The following PGM5 variants were observed in gnomAD, a reference collection of about 807,000 sequenced individuals.
The protein encoded by PGM5 is phosphoglucomutase-like protein 5.
A neutral mutation model predicts 59.2 loss-of-function variants in PGM5; 23 were observed. The observed-to-expected ratio is 0.39, with a 90% CI of 0.28 to 0.55. The LOEUF is 0.55. Among genes scored for constraint, PGM5 ranks in the 20% least tolerant of loss-of-function variants. The probability of loss-of-function intolerance (pLI) is 0.66; values close to 1 mark genes in which losing one functional copy is unlikely to be tolerated. For synonymous variants in PGM5, 214 were observed against 286.0 expected (o/e 0.75, Z 2.54); for missense variants, 574 against 748.3 (o/e 0.77, Z 2.72).
chr9:68,450,028 C>T (rs1412223190), intron 6 of PGM5, among the ~76,000 whole-genome samples: 1 of 152,174 alleles, frequency 6.6e-6, no homozygotes, highest in African/African-American at 2.4e-5. Context: ...AGCATGCTCA[C>T]ATGGTAGACT....
chr9:68,509,077 G>A (rs1280629418), intron 10 of PGM5, among the ~76,000 whole-genome samples: 1 of 152,172 alleles, frequency 6.6e-6, no homozygotes, highest in African/African-American at 2.4e-5. Flanking sequence ...TTCACATGGG[G>A]AATACAGGAT....
intron 1 of PGM5, among the ~76,000 whole-genome samples, chr9:68,369,667 C>T (rs1834746819): frequency 1.3e-5 from 2 of 152,188 alleles, no homozygotes; most frequent in Admixed American, 1.3e-4. Context: ...GGCCACACTT[C>T]TAGATGCCTG....
At chr9:68,400,264 T>G (rs1293042366) in intron 6 of PGM5, among the ~76,000 whole-genome samples, 5 of 152,094 alleles carry the variant, frequency 3.3e-5, no homozygotes, top group Non-Finnish European at 5.9e-5. Context: ...ATGCACAATC[T>G]CCTGATTATA....
chr9:68,466,226 G>A, intron 7 of PGM5: 2 of 1,243,360 alleles, frequency 1.6e-6, no homozygotes, highest in East Asian at 6.2e-5. Flanking sequence ...TGTCCAATCT[G>A]CTGATGAGCC....
At chr9:68,490,104 A>G (rs1824365296) in intron 9 of PGM5, among the ~76,000 whole-genome samples, 1 of 152,248 alleles carries the variant, frequency 6.6e-6, no homozygotes, top group Non-Finnish European at 1.5e-5. Context: ...TAGAAATAGT[A>G]AATTGGCAAT....
At chr9:68,464,568 C>G (rs1554685668) in intron 6 of PGM5, 1 of 152,670 alleles carries the variant, frequency 6.6e-6, no homozygotes, top group Non-Finnish European at 1.5e-5. Flanking sequence ...CATCTGCGAG[C>G]TGTCAGCAAT....
chr9:68,415,816 T>TATC (rs1419570921), intron 6 of PGM5, among the ~76,000 whole-genome samples: 102 of 54,716 alleles, frequency 1.9e-3, no homozygotes, highest in South Asian at 2.4e-3. Flanking sequence ...TCTATCTATC[T>TATC]TATCTATCTA....
At chr9:68,382,749 T>C (rs1457040788) in intron 2 of PGM5, among the ~76,000 whole-genome samples, 3 of 151,762 alleles carry the variant, frequency 2.0e-5, no homozygotes, top group Non-Finnish European at 4.4e-5. Flanking sequence ...AGCTTGGAAA[T>C]TGAAAAGGAA....
At chr9:68,401,923 GTGTGTGTATA>G (rs1242125467) in intron 6 of PGM5, among the ~76,000 whole-genome samples, 725 of 70,214 alleles carry the variant, frequency 0.01, 4 homozygotes, top group Middle Eastern at 0.065. Flanking sequence ...GTGTGTGTGT[GTGTGTGTATA>G]TATTTGTCAA....
At chr9:68,527,886 A>G (rs1825013428) in intron 10 of PGM5, among the ~76,000 whole-genome samples, 1 of 152,218 alleles carries the variant, frequency 6.6e-6, no homozygotes. Context: ...TGCCTAATGA[A>G]TTAAAACCTT....
intron 9 of PGM5, among the ~76,000 whole-genome samples, chr9:68,484,631 T>C (rs781785480): frequency 4.0e-5 from 6 of 150,982 alleles, no homozygotes; most frequent in African/African-American, 7.3e-5. Context: ...GGGTACTCTA[T>C]GTCCAGTATT....
chr9:68,460,473 C>A (rs782427777), intron 6 of PGM5, among the ~76,000 whole-genome samples: 35 of 152,118 alleles, frequency 2.3e-4, no homozygotes, highest in Non-Finnish European at 4.1e-4. Flanking sequence ...GCTCCTCAAA[C>A]CTTTGAGGAT....
intron 6 of PGM5, among the ~76,000 whole-genome samples, chr9:68,400,890 G>A (rs1822650715): frequency 6.6e-6 from 1 of 152,182 alleles, no homozygotes; most frequent in Non-Finnish European, 1.5e-5. Flanking sequence ...TTAAGCGCAA[G>A]GTTGTTTATT....
At chr9:68,524,686 T>C (rs1824946135) in intron 10 of PGM5, among the ~76,000 whole-genome samples, 1 of 152,222 alleles carries the variant, frequency 6.6e-6, no homozygotes, top group Non-Finnish European at 1.5e-5. Flanking sequence ...CCTCATCTGA[T>C]GTGGGACTCA....
At chr9:68,416,307 G>A (rs1360382477) in intron 6 of PGM5, among the ~76,000 whole-genome samples, 1 of 152,202 alleles carries the variant, frequency 6.6e-6, no homozygotes, top group African/African-American at 2.4e-5. Flanking sequence ...TGATGTTGGT[G>A]TATAAATACG....
chr9:68,441,632 A>G (rs1037425596), intron 6 of PGM5, among the ~76,000 whole-genome samples: 1 of 152,150 alleles, frequency 6.6e-6, no homozygotes, highest in Non-Finnish European at 1.5e-5. Context: ...CAATAACCCT[A>G]CAGCTAAAAT....
intron 10 of PGM5, among the ~76,000 whole-genome samples, chr9:68,504,457 T>C (rs1298363616): frequency 6.6e-6 from 1 of 152,192 alleles, no homozygotes; most frequent in African/African-American, 2.4e-5. Flanking sequence ...CCTCATTTCC[T>C]ATCTCTTTTC....
intron 6 of PGM5, among the ~76,000 whole-genome samples, chr9:68,425,488 ATATCT>A (rs1823220277): frequency 6.6e-6 from 1 of 152,328 alleles, no homozygotes; most frequent in East Asian, 1.9e-4. Flanking sequence ...TCATAAATAT[ATATCT>A]TATCTTATAT....
chr9:68,400,756 T>C (rs2132025968), intron 6 of PGM5: 1 of 152,500 alleles, frequency 6.6e-6, no homozygotes, highest in Non-Finnish European at 1.5e-5. Context: ...ATGAGTTGGA[T>C]TTTTAGTAAT....
Sources: allele counts gnomAD v4.1 joint callset (sites outside exome capture counted in the v4.1 genomes callset), GRCh38; gene constraint gnomAD v4.1.1; transcripts MANE v1.5; gene names NCBI Gene and HGNC (gene_info 2026-07-23, HGNC 2026-07-21).